Variants in HDAC8 observed in about 807,000 individuals in gnomAD.
HDAC8 encodes the protein histone deacetylase 8.
In HDAC8, 1 loss-of-function variant was observed where a neutral mutation model predicts 32.2. That is an observed-to-expected ratio of 0.03 (90% CI 0.01 to 0.15). HDAC8 has a LOEUF of 0.15. HDAC8 is among the 10% of genes least tolerant of loss of function. The pLI is 1.00. For missense variants in HDAC8, 117 were observed against 300.0 expected (o/e 0.39, Z 4.51); for synonymous variants, 108 against 113.9 (o/e 0.95, Z 0.33).
At chrX:72,525,036 A>T (rs1556031044) in intron 4 of HDAC8, among the ~76,000 whole-genome samples, 3 of 111,894 alleles carry the variant, frequency 2.7e-5, no homozygotes, top group Non-Finnish European at 5.6e-5. Context: ...GATCCCTGGC[A>T]TGCGCAGTTC....
chrX:72,536,444 T>C (rs1443617821), intron 4 of HDAC8, among the ~76,000 whole-genome samples: 2 of 112,149 alleles, frequency 1.8e-5, no homozygotes, highest in Non-Finnish European at 3.8e-5. Context: ...AAGATATTTA[T>C]TAAAAATCCA....
chrX:72,476,915 A>T (rs911096412), intron 7 of HDAC8, among the ~76,000 whole-genome samples: 9 of 111,603 alleles, frequency 8.1e-5, no homozygotes, highest in Non-Finnish European at 1.5e-4. Flanking sequence ...GCAGAGAGAA[A>T]TTTCATCGTG....
At chrX:72,484,415 T>A (rs782444668) in intron 7 of HDAC8, among the ~76,000 whole-genome samples, 1 of 112,226 alleles carries the variant, frequency 8.9e-6, no homozygotes, top group East Asian at 2.8e-4. Context: ...GAAGTCTGTT[T>A]AACAATGTAT....
chrX:72,403,708 T>G (rs2045966029), intron 9 of HDAC8, among the ~76,000 whole-genome samples: 2 of 111,534 alleles, frequency 1.8e-5, no homozygotes, highest in Non-Finnish European at 3.8e-5. Flanking sequence ...GCACCTGTAA[T>G]CCCAGCTACT....
At chrX:72,480,275 C>T (rs1163697200) in intron 7 of HDAC8, among the ~76,000 whole-genome samples, 1 of 112,503 alleles carries the variant, frequency 8.9e-6, no homozygotes, top group East Asian at 2.8e-4. Flanking sequence ...TAGTGATTAT[C>T]AAGGTAGTGT....
chrX:72,550,806 T>C (rs1221985674), intron 4 of HDAC8, among the ~76,000 whole-genome samples: 2 of 111,050 alleles, frequency 1.8e-5, no homozygotes, highest in Non-Finnish European at 3.8e-5. Context: ...CCACTATTAC[T>C]CTAAAATTCT....
intron 1 of HDAC8, 32 bp downstream of exon 1, chrX:72,572,619 A>AC: frequency 4.6e-6 from 3 of 646,616 alleles, no homozygotes; most frequent in Non-Finnish European, 6.3e-6. Context: ...CCACCCCCAA[A>AC]GCCCATGGTC....
At chrX:72,561,121 C>T (rs782760246) in intron 4 of HDAC8, among the ~76,000 whole-genome samples, 27 of 111,713 alleles carry the variant, frequency 2.4e-4, no homozygotes, top group South Asian at 3.7e-4. Flanking sequence ...ACCATACTGC[C>T]GAAAGCAATC....
chrX:72,342,731 CTGCCAGGCAGA>C (rs2043919342), intron 10 of HDAC8, among the ~76,000 whole-genome samples: 1 of 111,930 alleles, frequency 8.9e-6, no homozygotes, highest in Non-Finnish European at 1.9e-5. Context: ...ATCAGCAGCT[CTGCCAGGCAGA>C]AGGAAAATTC....
At chrX:72,369,850 C>T (rs782478532) in intron 9 of HDAC8, among the ~76,000 whole-genome samples, 3 of 112,925 alleles carry the variant, frequency 2.7e-5, no homozygotes, top group Admixed American at 9.3e-5. Flanking sequence ...ATAAGCAGCT[C>T]CAAAGAATGA....
chrX:72,528,207 A>C (rs1331121660), intron 4 of HDAC8, among the ~76,000 whole-genome samples: 4 of 111,411 alleles, frequency 3.6e-5, no homozygotes, highest in Non-Finnish European at 7.5e-5. Context: ...GAGCTCCTTG[A>C]GGACAGAATT....
chrX:72,527,728 G>A (rs903296759), intron 4 of HDAC8, among the ~76,000 whole-genome samples: 5 of 107,654 alleles, frequency 4.6e-5, no homozygotes, highest in African/African-American at 1.7e-4. Flanking sequence ...AACACATACT[G>A]AATGAACGAA....
chrX:72,354,840 G>C (rs781859145), intron 9 of HDAC8, among the ~76,000 whole-genome samples: 12 of 111,636 alleles, frequency 1.1e-4, no homozygotes, highest in Non-Finnish European at 1.7e-4. Flanking sequence ...TGACCTGGTT[G>C]GGCTGTTAGG....
chrX:72,414,528 T>C (rs782116318), intron 9 of HDAC8, among the ~76,000 whole-genome samples: 1 of 112,625 alleles, frequency 8.9e-6, no homozygotes, highest in East Asian at 2.8e-4. Context: ...AATCAGGGTG[T>C]ATCTGTAGGA....
At chrX:72,378,185 C>T (rs1018255564) in intron 9 of HDAC8, among the ~76,000 whole-genome samples, 9 of 111,098 alleles carry the variant, frequency 8.1e-5, no homozygotes, top group African/African-American at 2.3e-4. Flanking sequence ...TCATTTAAAA[C>T]TTGATCCATA....
intron 9 of HDAC8, among the ~76,000 whole-genome samples, chrX:72,445,013 C>T (rs1280019531): frequency 9.5e-6 from 1 of 105,643 alleles, no homozygotes; most frequent in Non-Finnish European, 2.0e-5. Flanking sequence ...CTACAAACCA[C>T]TGCTCAATGA....
At chrX:72,550,112 A>T (rs2051013469) in intron 4 of HDAC8, among the ~76,000 whole-genome samples, 1 of 111,449 alleles carries the variant, frequency 9.0e-6, no homozygotes, top group Admixed American at 9.5e-5. Context: ...TTTCTAGGGG[A>T]TGTATATGCA....
chrX:72,506,787 T>C (rs2049405031), intron 4 of HDAC8, among the ~76,000 whole-genome samples: 1 of 111,645 alleles, frequency 9.0e-6, no homozygotes, highest in Non-Finnish European at 1.9e-5. Context: ...ACTGATGCGT[T>C]GGAATCCACT....
At chrX:72,555,502 A>G (rs1216092489) in intron 4 of HDAC8, among the ~76,000 whole-genome samples, 17 of 112,128 alleles carry the variant, frequency 1.5e-4, no homozygotes, top group African/African-American at 5.2e-4. Context: ...AATCAAAAAC[A>G]TGATAAAGGA....
Sources: gnomAD v4.1 joint callset for allele counts (sites outside exome capture counted in the v4.1 genomes callset) on GRCh38, gnomAD v4.1.1 for gene constraint, MANE v1.5 for transcripts, NCBI Gene and HGNC (gene_info 2026-07-23, HGNC 2026-07-21) for gene names.